The following UBA2 variants were observed in gnomAD, a reference collection of about 807,000 sequenced individuals.
UBA2 encodes SUMO-activating enzyme subunit 2.
UBA2 carries 11 observed loss-of-function variants against 77.2 expected under a neutral mutation model. The observed-to-expected ratio is 0.14, with a 90% confidence interval of 0.09 to 0.24. The LOEUF (loss-of-function observed/expected upper bound fraction) is 0.24, where lower values mean the gene tolerates loss of function less well. Ranked by LOEUF, UBA2 falls within the 10% of genes least tolerant of loss-of-function variation. The probability of loss-of-function intolerance (pLI) is 1.00; values close to 1 mark genes in which losing one functional copy is unlikely to be tolerated. For synonymous variants in UBA2, 278 were observed against 276.7 expected, an observed-to-expected ratio of 1.00 and a Z score of -0.05; for missense variants, 487 against 781.7, an observed-to-expected ratio of 0.62 and a Z score of 4.50.
chr19:34,446,749 C>A (rs1044036577), intron 8 of UBA2, among the ~76,000 whole-genome samples: 1 of 152,052 alleles, frequency 6.6e-6, no homozygotes, highest in Non-Finnish European at 1.5e-5. Context: ...GCTGGGATTA[C>A]AGGTCCGCCA....
At chr19:34,456,106 CTTTTT>C (rs869130576) in intron 12 of UBA2, among the ~76,000 whole-genome samples, 2 of 73,628 alleles carry the variant, frequency 2.7e-5, no homozygotes, top group African/African-American at 7.0e-5. Flanking sequence ...TTTTCTTTTT[CTTTTT>C]TTTTTTTTTT....
chr19:34,469,101 C>G lies in UBA2; in HGVS notation c.1803C>G (p.Ala601=). Residue 601 remains alanine, a synonymous_variant, in exon 17 of 17, where the codon GCC becomes GCG. Coordinates refer to ENST00000246548, the MANE Select transcript of UBA2 (RefSeq NM_005499.3). ...ATGAAGAAGATTCTTCAAATAATGC[C>G]GACGTCAGTGAAGAAGAGAGAAGCC... ...DSDEEDSSNN[A]DVSEEERSRK... 1 of 1,612,756 alleles carries G rather than the reference C, an allele frequency of 6.2e-7. No individual in the cohort carries two copies. Among genetic ancestry groups the G allele is most frequent in the Non-Finnish European group, 8.5e-7 (1 of 1,179,462 alleles).
Position 34,458,749 on chromosome 19 carries a change from C to G in UBA2, c.1246-20C>G, listed in dbSNP as rs1568382738. 6.2e-7 allele frequency: 1 copy of G among 1,601,560 alleles called. No homozygotes were observed. The highest frequency in any genetic ancestry group is 1.1e-5 in the South Asian group (1 of 88,874). On this transcript the variant is annotated intron_variant, in intron 12 of 16. Transcript: ENST00000246548. ...ATTACAGCACGTTTCCGATTTCTGCCTGTTATTTCTCCTCCAAAGATTTTT... is the reference window on the plus strand; with the variant it reads ...ATTACAGCACGTTTCCGATTTCTGCGTGTTATTTCTCCTCCAAAGATTTTT...
chr19:34,428,633 T>A (rs1286627518), intron 1 of UBA2, 63 bp downstream of exon 1: 33 of 418,252 alleles, frequency 7.9e-5, no homozygotes, highest in Non-Finnish European at 9.7e-5. Flanking sequence ...ATTCGGGGGT[T>A]CCGGGGCTCC....
chr19:34,464,785 A>G lies in UBA2; in HGVS notation c.1604+654A>G, dbSNP rs141098941. ...CATAAAACAAATCATTTCGTTTGTG[A>G]TTTTGTGGCAATAACAAAAGAATAT... On this transcript the variant is annotated intron_variant, in intron 15 of 16. Transcript: ENST00000246548. Among the ~76,000 whole-genome samples, 327 of 152,272 alleles carry G rather than the reference A, an allele frequency of 2.1e-3. 2 individuals are homozygous for G. The highest frequency in any genetic ancestry group is 5.5e-3 in the Admixed American group (84 of 15,300).
intron 5 of UBA2, among the ~76,000 whole-genome samples, chr19:34,436,076 C>T (rs1248456459): frequency 1.2e-4 from 17 of 145,062 alleles, no homozygotes; most frequent in Non-Finnish European, 2.3e-4. Flanking sequence ...GCTGAGATCA[C>T]GCCATTGCAC....
At chr19:34,437,808 C>CT (rs2075326129) in intron 5 of UBA2, among the ~76,000 whole-genome samples, 1 of 150,780 alleles carries the variant, frequency 6.6e-6, no homozygotes, top group Non-Finnish European at 1.5e-5. Flanking sequence ...AATCCCAGCA[C>CT]TTTTGGGAAG....
intron 14 of UBA2, among the ~76,000 whole-genome samples, chr19:34,461,112 T>C (rs2075626274): frequency 6.6e-6 from 1 of 152,226 alleles, no homozygotes; most frequent in Non-Finnish European, 1.5e-5. Flanking sequence ...TATTCCTCCT[T>C]CAGACTGTAC....
chr19:34,453,804 C>G (rs2075528628), intron 10 of UBA2, among the ~76,000 whole-genome samples: 2 of 152,070 alleles, frequency 1.3e-5, no homozygotes, highest in Non-Finnish European at 2.9e-5. Context: ...CTTGAGACTA[C>G]AGGCATGAGC....
At chr19:34,432,473 G>T (rs921524132) in intron 3 of UBA2, among the ~76,000 whole-genome samples, 8 of 152,306 alleles carry the variant, frequency 5.3e-5, no homozygotes, top group Middle Eastern at 3.4e-3. Context: ...TAGCTTGCAA[G>T]TAAATAGTGT....
chr19:34,438,991 C>G (rs2075339348), intron 6 of UBA2, among the ~76,000 whole-genome samples: 1 of 152,056 alleles, frequency 6.6e-6, no homozygotes, highest in South Asian at 2.1e-4. Context: ...GTCGGATCAC[C>G]TGAGCGCAGG....
intron 16 of UBA2, among the ~76,000 whole-genome samples, chr19:34,467,435 T>C (rs565883515): frequency 2.0e-4 from 29 of 147,704 alleles, no homozygotes; most frequent in Non-Finnish European, 3.6e-4. Context: ...ACCACTGCAC[T>C]GCAGCCTGGG....
At chr19:34,456,415 C>T (rs1032257075) in intron 12 of UBA2, among the ~76,000 whole-genome samples, 6 of 151,728 alleles carry the variant, frequency 4.0e-5, no homozygotes, top group East Asian at 1.9e-4. Flanking sequence ...CGCCCAGCCT[C>T]GATGCACTCT....
At chr19:34,469,007 C>T in intron 16 of UBA2, 33 bp from the exon 17 acceptor site, 6 of 1,566,564 alleles carry the variant, frequency 3.8e-6, no homozygotes, top group Non-Finnish European at 4.3e-6. Context: ...CACGCTTTTA[C>T]CCATTTTCTT....
At position 34,445,885 on chromosome 19, in the gene UBA2, C is replaced by G. The variant is rs117953894; in HGVS notation, c.771+764C>G. ...TATACTATTTGCCTGTTAAATATTT[C>G]TAGAGAAATCTGTGAAATTGTTTTT... is the stretch of plus-strand genomic sequence containing the variant. On this transcript the variant is annotated intron_variant, in intron 8 of 16. Transcript: ENST00000246548. Among the ~76,000 whole-genome samples the G allele has an allele frequency of 5.1e-3, 775 of 152,230 alleles. 2 individuals carry two copies. Among genetic ancestry groups the G allele is most frequent in the Non-Finnish European group, 9.2e-3 (629 of 68,008 alleles).
At chr19:34,436,619 C>G (rs928001805) in intron 5 of UBA2, among the ~76,000 whole-genome samples, 1 of 152,116 alleles carries the variant, frequency 6.6e-6, no homozygotes. Flanking sequence ...TTTTTAAAAC[C>G]TCAACACGGC....
At chr19:34,464,379 G>A (rs2075665190) in intron 15 of UBA2, among the ~76,000 whole-genome samples, 1 of 152,054 alleles carries the variant, frequency 6.6e-6, no homozygotes, top group African/African-American at 2.4e-5. Context: ...CCAACACGGT[G>A]AAACCCCGTC....
At chr19:34,432,757 G>A (rs2075269659) in intron 3 of UBA2, among the ~76,000 whole-genome samples, 1 of 152,178 alleles carries the variant, frequency 6.6e-6, no homozygotes, top group Admixed American at 6.5e-5. Flanking sequence ...GTTTCATCAT[G>A]TTGGCCAGGC....
At chr19:34,431,108 AC>A (rs2075248358) in intron 2 of UBA2, among the ~76,000 whole-genome samples, 1 of 149,076 alleles carries the variant, frequency 6.7e-6, no homozygotes, top group East Asian at 2.0e-4. Context: ...TGTTTGGCAA[AC>A]CCCCACTTGT....
Sources: gnomAD v4.1 joint callset for allele counts (sites outside exome capture counted in the v4.1 genomes callset) on GRCh38, gnomAD v4.1.1 for gene constraint, MANE v1.5 for transcripts, NCBI Gene and HGNC (gene_info 2026-07-23, HGNC 2026-07-21) for gene names.